Variants in ADAMTSL1 observed in about 807,000 individuals in gnomAD.
ADAMTSL1 encodes ADAMTS like 1.
ADAMTSL1 carries 126 observed loss-of-function variants against 201.8 expected under a neutral mutation model. That is an observed-to-expected ratio of 0.62 (90% CI 0.54 to 0.72). ADAMTSL1 has a LOEUF of 0.72. Ranked by LOEUF, ADAMTSL1 falls within the 30% of genes least tolerant of loss-of-function variation. The pLI is 0.00. For synonymous variants in ADAMTSL1, 1,121 were observed against 903.4 expected (o/e 1.24, Z -4.32); for missense variants, 2,679 against 2,277.8 (o/e 1.18, Z -3.59).
At chr9:18,181,005 T>C (rs1347042715) in intron 2 of ADAMTSL1, among the ~76,000 whole-genome samples, 15 of 152,146 alleles carry the variant, frequency 9.9e-5, no homozygotes, top group Non-Finnish European at 1.5e-4. Context: ...ATCTGATCTT[T>C]GACAAACCTG....
At chr9:17,934,003 T>G (rs901062257) in intron 1 of ADAMTSL1, among the ~76,000 whole-genome samples, 38 of 152,294 alleles carry the variant, frequency 2.5e-4, no homozygotes, top group African/African-American at 8.4e-4. Flanking sequence ...TTCTTTTGTC[T>G]TTACGGTATT....
rs181475485 is a variant in ADAMTSL1, at chr9:18,236,331, C to T, written c.207+72350C>T. Among the ~76,000 whole-genome samples the T allele has an allele frequency of 7.9e-5, 12 of 152,334 alleles. No individual in the cohort carries two copies. In the East Asian group the frequency reaches 1.4e-3, roughly 17 times the overall value. On this transcript the variant is annotated intron_variant, in intron 2 of 29. Coordinates refer to the ADAMTSL1 transcript ENST00000680146. Reference sequence around the variant, plus strand: ...CCCCGTGAACCACCCACCTCAGCCTCCCAAAGTGCTGGGATTACAGGCGTG... The same window carrying T: ...CCCCGTGAACCACCCACCTCAGCCTTCCAAAGTGCTGGGATTACAGGCGTG...
intron 1 of ADAMTSL1, among the ~76,000 whole-genome samples, chr9:18,140,492 G>A (rs1826352827): frequency 6.6e-6 from 1 of 152,164 alleles, no homozygotes; most frequent in African/African-American, 2.4e-5. Flanking sequence ...GGACACACAT[G>A]TGTGAAATGT....
intron 1 of ADAMTSL1, among the ~76,000 whole-genome samples, chr9:18,100,398 A>C (rs960439356): frequency 4.2e-4 from 64 of 152,274 alleles, no homozygotes; most frequent in African/African-American, 1.4e-3. Flanking sequence ...CTCCTGCCTC[A>C]GCCTCCAGAG....
intron 1 of ADAMTSL1, among the ~76,000 whole-genome samples, chr9:18,079,992 G>C (rs1381958481): frequency 6.6e-6 from 1 of 152,160 alleles, no homozygotes; most frequent in African/African-American, 2.4e-5. Flanking sequence ...GACCAGGTGA[G>C]CTGAACAAAG....
intron 2 of ADAMTSL1, among the ~76,000 whole-genome samples, chr9:18,213,166 C>G (rs1829939513): frequency 6.6e-6 from 1 of 152,146 alleles, no homozygotes; most frequent in African/African-American, 2.4e-5. Context: ...TCTGCTCTTC[C>G]CTCTTTCCCC....
At chr9:18,596,288 A>G (rs1459149736) in intron 4 of ADAMTSL1, among the ~76,000 whole-genome samples, 2 of 152,182 alleles carry the variant, frequency 1.3e-5, no homozygotes, top group Non-Finnish European at 2.9e-5. Context: ...AACAAAAATA[A>G]CTATAATCAG....
intron 26 of ADAMTSL1, among the ~76,000 whole-genome samples, chr9:18,900,042 C>A (rs1030556092): frequency 1.3e-5 from 2 of 152,126 alleles, no homozygotes; most frequent in African/African-American, 2.4e-5. Flanking sequence ...ATCTATCCAT[C>A]TGACAAAGGT....
chr9:18,048,906 AG>A (rs1295757655), intron 1 of ADAMTSL1, among the ~76,000 whole-genome samples: 2 of 152,196 alleles, frequency 1.3e-5, no homozygotes, highest in Non-Finnish European at 2.9e-5. Context: ...TTGACAGTTC[AG>A]GGGGCCAGAA....
At chr9:18,624,053 T>G (rs1826202014) in intron 5 of ADAMTSL1, among the ~76,000 whole-genome samples, 1 of 152,094 alleles carries the variant, frequency 6.6e-6, no homozygotes, top group South Asian at 2.1e-4. Flanking sequence ...AGGATTAGCC[T>G]CGAGGTAAAA....
At chr9:18,193,194 C>T (rs1162530051) in intron 2 of ADAMTSL1, among the ~76,000 whole-genome samples, 1 of 152,080 alleles carries the variant, frequency 6.6e-6, no homozygotes, top group Non-Finnish European at 1.5e-5. Context: ...AGATTGTATT[C>T]AAACTCAAGA....
chr9:18,391,413 T>C (rs942271780), intron 2 of ADAMTSL1, among the ~76,000 whole-genome samples: 21 of 152,178 alleles, frequency 1.4e-4, no homozygotes, highest in African/African-American at 5.1e-4. Context: ...GTCATTGTAC[T>C]AGACAGGATG....
At chr9:18,074,488 TTTCTTTTCTTTTCTTTTCTTTTC>T (rs1294601670) in intron 1 of ADAMTSL1, among the ~76,000 whole-genome samples, 1,156 of 89,770 alleles carry the variant, frequency 0.013, 12 homozygotes, top group African/African-American at 0.04. Flanking sequence ...TTTCTTTTCT[TTTCTTTTCTTTTCTTTTCTTTTC>T]TTCTTTTCTT....
At chr9:18,820,634 CAT>C (rs1316269421) in intron 21 of ADAMTSL1, among the ~76,000 whole-genome samples, 1 of 152,220 alleles carries the variant, frequency 6.6e-6, no homozygotes, top group Non-Finnish European at 1.5e-5. Flanking sequence ...GACCAACTCA[CAT>C]GTTTGAATTG....
At chr9:18,388,646 T>G (rs1837908285) in intron 2 of ADAMTSL1, among the ~76,000 whole-genome samples, 1 of 152,080 alleles carries the variant, frequency 6.6e-6, no homozygotes, top group Admixed American at 6.6e-5. Context: ...TTTCTAGACT[T>G]TTCATTTTCT....
chr9:18,097,529 A>G (rs1024090978), intron 1 of ADAMTSL1, among the ~76,000 whole-genome samples: 1 of 152,130 alleles, frequency 6.6e-6, no homozygotes. Flanking sequence ...TTTATCTCCA[A>G]CCAGAATTGT....
chr9:18,235,074 A>T (rs1011646965), intron 2 of ADAMTSL1, among the ~76,000 whole-genome samples: 1 of 151,886 alleles, frequency 6.6e-6, no homozygotes, highest in Non-Finnish European at 1.5e-5. Flanking sequence ...TGTTTTTCTG[A>T]TTTCATTTCT....
intron 26 of ADAMTSL1, among the ~76,000 whole-genome samples, chr9:18,900,122 C>T (rs776070209): frequency 3.2e-4 from 49 of 152,104 alleles, no homozygotes; most frequent in Non-Finnish European, 5.1e-4. Flanking sequence ...AAGCAAAGGA[C>T]ATGAACAGAC....
chr9:18,163,062 C>T (rs1776694614), intron 1 of ADAMTSL1, among the ~76,000 whole-genome samples: 1 of 151,928 alleles, frequency 6.6e-6, no homozygotes, highest in South Asian at 2.1e-4. Flanking sequence ...CTGATTATAC[C>T]TTGAATGTAT....
Sources: gnomAD v4.1 joint callset for allele counts (sites outside exome capture counted in the v4.1 genomes callset) on GRCh38, gnomAD v4.1.1 for gene constraint, MANE v1.5 for transcripts, NCBI Gene and HGNC (gene_info 2026-07-23, HGNC 2026-07-21) for gene names.